Variants in ERCC6L2 observed in about 807,000 individuals in gnomAD.
ERCC6L2 encodes the protein ERCC excision repair 6 like 2.
Under a neutral mutation model 132.0 loss-of-function variants are expected in ERCC6L2, and 77 were observed. The observed-to-expected ratio is 0.58, with a 90% confidence interval of 0.49 to 0.71. The LOEUF is 0.71. ERCC6L2 is among the 30% of genes least tolerant of loss of function. The pLI is 0.00. For synonymous variants in ERCC6L2, 583 were observed against 632.4 expected (o/e 0.92, Z 1.17); for missense variants, 1,542 against 1,837.6 (o/e 0.84, Z 2.94).
At chr9:95,919,460 C>T (rs1587906366) in intron 6 of ERCC6L2, among the ~76,000 whole-genome samples, 3 of 152,268 alleles carry the variant, frequency 2.0e-5, no homozygotes, top group South Asian at 2.1e-4. Flanking sequence ...CCCAGAACCC[C>T]ATGAGTTCAA....
intron 12 of ERCC6L2, among the ~76,000 whole-genome samples, chr9:95,948,799 A>G (rs1268048837): frequency 2.6e-5 from 4 of 151,430 alleles, no homozygotes; most frequent in Non-Finnish European, 4.4e-5. Context: ...TAGAAAAAAA[A>G]AAAAAAAAAG....
At chr9:95,975,646 G>A (rs1400224377) in intron 16 of ERCC6L2, among the ~76,000 whole-genome samples, 2 of 151,856 alleles carry the variant, frequency 1.3e-5, no homozygotes, top group East Asian at 1.9e-4. Context: ...GCTTGTACCA[G>A]TGTTTTTAGT....
chr9:96,015,328 G>A lies in ERCC6L2; in HGVS notation c.*2125G>A, dbSNP rs1834162471. Reference sequence around the variant, plus strand: ...AGCCTCCCGAGTAGCTGGGACTACAGGTGCGTGCCACCACGCCCAGCTAAT... The same window carrying A: ...AGCCTCCCGAGTAGCTGGGACTACAAGTGCGTGCCACCACGCCCAGCTAAT... On this transcript the variant is annotated 3_prime_UTR_variant, in exon 19 of 19. Coordinates refer to ENST00000653738, the MANE Select transcript of ERCC6L2 (RefSeq NM_020207.7). 6.6e-6 allele frequency among the ~76,000 whole-genome samples: 1 copy of A among 151,624 alleles called. No homozygotes were observed. The highest frequency in any genetic ancestry group is 2.4e-5 in the African/African-American group (1 of 41,332).
chr9:96,033,069 A>G (rs1181024435), intron 19 of ERCC6L2, among the ~76,000 whole-genome samples: 1 of 152,170 alleles, frequency 6.6e-6, no homozygotes, highest in African/African-American at 2.4e-5. Context: ...TATAAATGTA[A>G]TGTATTTGCT....
intron 17 of ERCC6L2, among the ~76,000 whole-genome samples, chr9:95,987,530 C>G (rs1588026317): frequency 6.6e-6 from 1 of 152,136 alleles, no homozygotes; most frequent in East Asian, 1.9e-4. Context: ...ACTTCATGTC[C>G]CAACATCCAG....
intron 9 of ERCC6L2, among the ~76,000 whole-genome samples, chr9:95,926,324 C>T (rs1830097411): frequency 6.6e-6 from 1 of 152,044 alleles, no homozygotes; most frequent in South Asian, 2.1e-4. Flanking sequence ...AACTTACATC[C>T]CGACAAGAAC....
At chr9:95,894,135 C>T (rs936893227) in intron 2 of ERCC6L2, among the ~76,000 whole-genome samples, 1 of 152,190 alleles carries the variant, frequency 6.6e-6, no homozygotes, top group African/African-American at 2.4e-5. Flanking sequence ...GCAGAATCAT[C>T]TAACACAATG....
intron 19 of ERCC6L2, among the ~76,000 whole-genome samples, chr9:96,026,653 CACAA>C (rs1056336659): frequency 6.7e-6 from 1 of 150,264 alleles, no homozygotes; most frequent in Non-Finnish European, 1.5e-5. Flanking sequence ...ACACACCACA[CACAA>C]ACACACCACA....
chr9:96,010,950 C>G (rs973619985), intron 18 of ERCC6L2, among the ~76,000 whole-genome samples: 6 of 152,226 alleles, frequency 3.9e-5, no homozygotes, highest in Non-Finnish European at 8.8e-5. Context: ...AATATAATTT[C>G]TAAAACTTTA....
chr9:95,948,755 A>G (rs1247852787), intron 12 of ERCC6L2, among the ~76,000 whole-genome samples: 1 of 151,376 alleles, frequency 6.6e-6, no homozygotes, highest in Non-Finnish European at 1.5e-5. Context: ...CTGTCTTTCC[A>G]AATGGTAGTT....
chr9:95,986,251 A>G (rs1833090165), intron 17 of ERCC6L2, among the ~76,000 whole-genome samples: 1 of 152,230 alleles, frequency 6.6e-6, no homozygotes, highest in Non-Finnish European at 1.5e-5. Context: ...GCTATATAGT[A>G]AGTCACTAAA....
intron 11 of ERCC6L2, among the ~76,000 whole-genome samples, chr9:95,934,139 C>G (rs1830459534): frequency 6.6e-6 from 1 of 152,080 alleles, no homozygotes; most frequent in Non-Finnish European, 1.5e-5. Context: ...CTCAGGAAAA[C>G]AGTTGAGGAA....
rs543146321 is a variant in ERCC6L2 at position 95,921,450 on chromosome 9, T to A, written c.1299+135T>A. ...TAAAGCTATGTCTTAAAAAATAGTT[T>A]TCAAAAATATTTTACAATATCAAAT... is the stretch of plus-strand genomic sequence containing the variant. On this transcript the variant is annotated intron_variant, in intron 7 of 18. Coordinates refer to ENST00000653738, the MANE Select transcript of ERCC6L2 (RefSeq NM_020207.7). 57 of 560,562 alleles carry A rather than the reference T, an allele frequency of 1.0e-4. No homozygotes were observed. In the South Asian group the frequency reaches 2.7e-3, roughly 27 times the overall value. The allele number at this position is 560,562 out of a possible 1,614,324, so 34.7% of individuals were successfully genotyped here.
intron 2 of ERCC6L2, among the ~76,000 whole-genome samples, chr9:95,883,982 A>G (rs1471756826): frequency 1.3e-5 from 2 of 152,240 alleles, no homozygotes; most frequent in African/African-American, 4.8e-5. Context: ...CTCAAATTTG[A>G]AGGCTGTCTT....
chr9:95,898,012 G>A lies in ERCC6L2; in HGVS notation c.594+41G>A, dbSNP rs781584458. On this transcript the variant is annotated intron_variant, in intron 3 of 18. Transcript: ENST00000653738. The stretch of plus-strand genomic sequence containing the variant: ...AATGTATATTCTACTCATGATGCTG[G>A]TATTACAAAAGCATATAGAAATATT... The A allele has an allele frequency of 6.6e-6, 10 of 1,526,394 alleles. No individual in the cohort carries two copies. In the African/African-American group the frequency reaches 1.1e-4, roughly 17 times the overall value. 94.6% of individuals were successfully genotyped at this position (1,526,394 alleles called of 1,614,324 possible).
Position 95,875,764 on chromosome 9 carries a change from C to T in ERCC6L2, c.-275C>T, listed in dbSNP as rs554024718. 2.0e-5 allele frequency: 10 copies of T among 511,750 alleles called. No homozygotes were observed. In the East Asian group the frequency reaches 3.2e-4, roughly 16 times the overall value. 31.7% of individuals were successfully genotyped at this position (511,750 alleles called of 1,614,324 possible). A position where few individuals can be genotyped will look rare whatever the true frequency, so the allele number is the denominator to read the frequency against. ...CCGGCGGCGGCGGAGCCCGAGAGAA[C>T]TAGGTGAACACCGCTTTGCCAGCCT... is the stretch of plus-strand genomic sequence containing the variant. On this transcript the variant is annotated 5_prime_UTR_variant, in exon 1 of 19. Coordinates refer to ENST00000653738, the MANE Select transcript of ERCC6L2 (RefSeq NM_020207.7).
At position 95,949,938 on chromosome 9, in the gene ERCC6L2, C is replaced by T. The variant is rs180687557; in HGVS notation, c.1848-5976C>T. On this transcript the variant is annotated intron_variant, in intron 12 of 18. Transcript: ENST00000653738. ...CAGAGAATTGCTTGAACCTGGGAGA[C>T]GGAGCTTGCAGTGAGCCGAGATGCC... Among the ~76,000 whole-genome samples the T allele has an allele frequency of 2.3e-3, 353 of 151,178 alleles. 1 individual carries two copies. Among genetic ancestry groups the T allele is most frequent in the Non-Finnish European group, 3.2e-3 (219 of 67,936 alleles).
chr9:96,023,929 G>A (rs992758302), intron 19 of ERCC6L2, among the ~76,000 whole-genome samples: 9 of 152,188 alleles, frequency 5.9e-5, no homozygotes, highest in Non-Finnish European at 5.9e-5. Flanking sequence ...AAGGGGACCC[G>A]GGAGCATAAC....
rs1030917743 is a variant in ERCC6L2 at position 95,972,456 on chromosome 9, A to T, written c.2705A>T (p.Asp902Val). 2.3e-6 allele frequency: 3 copies of T among 1,284,636 alleles called. No individual in the cohort carries two copies. The South Asian group carries it at 3.8e-5, about 16-fold the overall frequency. The allele number at this position is 1,284,636 out of a possible 1,614,324, so 79.6% of individuals were successfully genotyped here. The stretch of plus-strand genomic sequence containing the variant: ...AATGTCACAGAATCAGAAGATAGTG[A>T]TGTCATCTGTCCTACACAATACACA... ...LQNVTESEDS[D>V]VICPTQYTTE... Residue 902 changes from aspartate (D) to valine (V), a missense_variant, in exon 16 of 19, where the codon GAT (aspartate) becomes GTT (valine). Transcript: ENST00000653738.
Sources: gnomAD v4.1 joint callset for allele counts (sites outside exome capture counted in the v4.1 genomes callset) on GRCh38, gnomAD v4.1.1 for gene constraint, MANE v1.5 for transcripts, NCBI Gene and HGNC (gene_info 2026-07-23, HGNC 2026-07-21) for gene names.